The following CCNY variants were observed in gnomAD, a reference collection of about 807,000 sequenced individuals.
The protein encoded by CCNY is cyclin Y.
In CCNY, 19 loss-of-function variants were observed where a neutral mutation model predicts 42.8. That is an observed-to-expected ratio of 0.44 (90% confidence interval 0.31 to 0.65). The LOEUF is 0.65. CCNY is among the 30% of genes least tolerant of loss of function. The pLI, the probability that CCNY is intolerant of heterozygous loss-of-function variation, is 0.07. For missense variants in CCNY, 370 were observed against 437.3 expected, an observed-to-expected ratio of 0.85 and a Z score of 1.37; for synonymous variants, 165 against 162.7, an observed-to-expected ratio of 1.01 and a Z score of -0.11.
intron 2 of CCNY, among the ~76,000 whole-genome samples, chr10:35,500,611 C>T (rs769621094): frequency 1.3e-5 from 2 of 152,184 alleles, no homozygotes; most frequent in African/African-American, 2.4e-5. Context: ...GAAACCTATT[C>T]TTCATGTCTT....
At chr10:35,546,636 C>G (rs1422909657) in intron 7 of CCNY, among the ~76,000 whole-genome samples, 1 of 152,162 alleles carries the variant, frequency 6.6e-6, no homozygotes, top group East Asian at 1.9e-4. Flanking sequence ...TTAAGTCTAG[C>G]TTACCATGAA....
rs17602020 is a variant in CCNY, at chr10:35,498,888, G to C, written c.230-2613G>C. ...TTGCTCTGAGGAAATAGGGTAGTGT[G>C]TAGGTGTTCATTTGCATAGAAGCAG... is the stretch of plus-strand genomic sequence containing the variant. On this transcript the variant is annotated intron_variant, in intron 2 of 9. Transcript: ENST00000374704. Among the ~76,000 whole-genome samples the C allele has an allele frequency of 9.5e-4, 145 of 152,324 alleles. 2 individuals are homozygous for C. Among genetic ancestry groups the C allele is most frequent in the Non-Finnish European group, 1.9e-3 (131 of 68,024 alleles).
At chr10:35,412,728 G>A (rs1450448068) in intron 1 of CCNY, among the ~76,000 whole-genome samples, 2 of 151,304 alleles carry the variant, frequency 1.3e-5, no homozygotes, top group Middle Eastern at 3.4e-3. Context: ...GGGTGTGGCA[G>A]CGTGTTCCTG....
chr10:35,436,806 A>G (rs1381941917), intron 1 of CCNY, among the ~76,000 whole-genome samples: 1 of 151,952 alleles, frequency 6.6e-6, no homozygotes, highest in Non-Finnish European at 1.5e-5. Flanking sequence ...TCTGTTGGTG[A>G]TTTGGTTTAC....
At position 35,447,150 on chromosome 10, in the gene CCNY, G is replaced by A. The variant is rs552338388; in HGVS notation, c.155-36254G>A. ...AAATTAGCCGGATGTGGTGGCGGGC[G>A]CCTGTAGTCTCAGCTACTCAGGAGG... On this transcript the variant is annotated intron_variant, in intron 1 of 9. Coordinates refer to ENST00000374704, the MANE Select transcript of CCNY (RefSeq NM_145012.6). 4.6e-5 allele frequency among the ~76,000 whole-genome samples: 7 copies of A among 152,300 alleles called. No individual in the cohort carries two copies. The East Asian group carries it at 5.8e-4, about 13-fold the overall frequency.
intron 1 of CCNY, among the ~76,000 whole-genome samples, chr10:35,453,880 A>G (rs1838973537): frequency 6.6e-6 from 1 of 152,180 alleles, no homozygotes; most frequent in Non-Finnish European, 1.5e-5. Flanking sequence ...TTGGTTTCTT[A>G]TTGGTAAACA....
At chr10:35,507,149 G>C (rs775460324) in intron 3 of CCNY, among the ~76,000 whole-genome samples, 1 of 152,172 alleles carries the variant, frequency 6.6e-6, no homozygotes, top group Non-Finnish European at 1.5e-5. Context: ...ATGAAGTGAA[G>C]CCTTGAAGGA....
At chr10:35,338,473 C>A (rs1357996981) in intron 1 of CCNY, among the ~76,000 whole-genome samples, 1 of 152,126 alleles carries the variant, frequency 6.6e-6, no homozygotes, top group African/African-American at 2.4e-5. Context: ...TTTAAACATA[C>A]GCTTAGATGT....
chr10:35,470,004 ATGGAGAGACAGACAGGGAGATAGGGCAG>A (rs1421630992), intron 1 of CCNY, among the ~76,000 whole-genome samples: 1 of 143,234 alleles, frequency 7.0e-6, no homozygotes, highest in Admixed American at 6.9e-5. Flanking sequence ...AGACAGGGAG[ATGGAGAGACAGACAGGGAGATAGGGCAG>A]TGGAGAGACA....
chr10:35,307,446 T>G (rs1229072789), intron 3 of CCNY, among the ~76,000 whole-genome samples: 1 of 152,198 alleles, frequency 6.6e-6, no homozygotes, highest in African/African-American at 2.4e-5. Flanking sequence ...GAGATTATGT[T>G]AGAGCTTGCA....
chr10:35,488,804 A>C (rs962869370), intron 2 of CCNY, among the ~76,000 whole-genome samples: 12 of 152,210 alleles, frequency 7.9e-5, no homozygotes, highest in African/African-American at 2.4e-4. Flanking sequence ...GAGTGATTTG[A>C]TACCCACCTT....
intron 4 of CCNY, among the ~76,000 whole-genome samples, chr10:35,523,817 A>C (rs1468706058): frequency 6.6e-6 from 1 of 152,228 alleles, no homozygotes; most frequent in African/African-American, 2.4e-5. Context: ...CTAATTTTAT[A>C]AATGAGGAAA....
intron 1 of CCNY, among the ~76,000 whole-genome samples, chr10:35,393,982 G>A (rs1338235999): frequency 6.6e-6 from 1 of 152,242 alleles, no homozygotes; most frequent in African/African-American, 2.4e-5. Flanking sequence ...AAAAAAGAAT[G>A]CAGTTTGTCC....
chr10:35,349,338 C>T (rs1836379448), intron 1 of CCNY, among the ~76,000 whole-genome samples: 1 of 152,208 alleles, frequency 6.6e-6, no homozygotes, highest in African/African-American at 2.4e-5. Flanking sequence ...TCTCCCACAA[C>T]CTCAGACTAC....
intron 1 of CCNY, among the ~76,000 whole-genome samples, chr10:35,416,903 G>T (rs772153540): frequency 2.0e-5 from 3 of 152,158 alleles, no homozygotes; most frequent in Non-Finnish European, 4.4e-5. Flanking sequence ...AGAAAGCCCA[G>T]CCTGAGTGTA....
At chr10:35,549,094 A>T (rs1055177580) in intron 7 of CCNY, among the ~76,000 whole-genome samples, 3 of 54,334 alleles carry the variant, frequency 5.5e-5, no homozygotes, top group African/African-American at 1.6e-4. Context: ...GCCCCTCACC[A>T]CCCACCCCAC....
At chr10:35,558,988 G>A (rs1841412703) in intron 8 of CCNY, among the ~76,000 whole-genome samples, 1 of 152,188 alleles carries the variant, frequency 6.6e-6, no homozygotes, top group African/African-American at 2.4e-5. Flanking sequence ...AGAGGCAGGA[G>A]GAGTTTTGAG....
At chr10:35,359,033 A>T (rs1286963109) in intron 1 of CCNY, among the ~76,000 whole-genome samples, 1 of 152,234 alleles carries the variant, frequency 6.6e-6, no homozygotes, top group Non-Finnish European at 1.5e-5. Flanking sequence ...CTTCCAAGAC[A>T]GACAAAGCAT....
chr10:35,496,995 C>T (rs1840015791), intron 2 of CCNY, among the ~76,000 whole-genome samples: 1 of 152,162 alleles, frequency 6.6e-6, no homozygotes, highest in South Asian at 2.1e-4. Flanking sequence ...TTTTTAAAGC[C>T]TCTGGTCCAT....
Sources: gnomAD v4.1 joint callset for allele counts (sites outside exome capture counted in the v4.1 genomes callset) on GRCh38, gnomAD v4.1.1 for gene constraint, MANE v1.5 for transcripts, NCBI Gene and HGNC (gene_info 2026-07-23, HGNC 2026-07-21) for gene names.